The following NCKAP5 variants were observed in gnomAD, a reference collection of about 807,000 sequenced individuals.
NCKAP5 encodes NCK associated protein 5.
NCKAP5 carries 92 observed loss-of-function variants against 167.0 expected under a neutral mutation model. That is an observed-to-expected ratio of 0.55 (90% confidence interval 0.47 to 0.66). NCKAP5 has a LOEUF of 0.66. NCKAP5 is among the 30% of genes least tolerant of loss of function. The pLI is 0.00. For synonymous variants in NCKAP5, 891 were observed against 877.4 expected, an observed-to-expected ratio of 1.02 and a Z score of -0.27; for missense variants, 2,378 against 2,315.0, an observed-to-expected ratio of 1.03 and a Z score of -0.56.
At chr2:133,378,956 T>C (rs1346046615) in intron 3 of NCKAP5, among the ~76,000 whole-genome samples, 1 of 152,190 alleles carries the variant, frequency 6.6e-6, no homozygotes, top group African/African-American at 2.4e-5. Context: ...AAACGAGCTT[T>C]ATAAGAAATC....
chr2:133,635,123 C>T, the NCKAP5 span, among the ~76,000 whole-genome samples: 2 of 152,250 alleles, frequency 1.3e-5, no homozygotes, highest in South Asian at 2.1e-4. Context: ...ATCCACCTGC[C>T]TTGGCCTCCC....
chr2:133,118,743 G>A (rs2082160890), intron 6 of NCKAP5: 1 of 152,090 alleles, frequency 6.6e-6, no homozygotes, highest in Non-Finnish European at 1.5e-5. Flanking sequence ...TATTGTCCAA[G>A]CCAACAGCAA....
intron 3 of NCKAP5, among the ~76,000 whole-genome samples, chr2:133,371,266 C>A (rs971883989): frequency 6.6e-6 from 1 of 152,172 alleles, no homozygotes; most frequent in African/African-American, 2.4e-5. Context: ...CAATTGGATT[C>A]TTTTAAGCCA....
chr2:133,659,635 C>A, the NCKAP5 span, among the ~76,000 whole-genome samples: 1 of 152,018 alleles, frequency 6.6e-6, no homozygotes, highest in African/African-American at 2.4e-5. Flanking sequence ...TACTGGGATT[C>A]GGGGGAGAAT....
intron 19 of NCKAP5, among the ~76,000 whole-genome samples, chr2:132,688,872 C>T (rs112796060): frequency 0.016 from 2,358 of 150,814 alleles, 46 homozygotes; most frequent in African/African-American, 0.053. Context: ...TGTGGTCCCA[C>T]CTACTTGGGA....
chr2:133,302,902 T>C (rs1227688518), intron 4 of NCKAP5, 135 bp downstream of exon 4: 6 of 513,186 alleles, frequency 1.2e-5, no homozygotes, highest in Non-Finnish European at 2.0e-5. Context: ...AAGATGATAG[T>C]TTCTTAGAAT....
intron 5 of NCKAP5, among the ~76,000 whole-genome samples, chr2:133,156,070 T>C (rs1438029555): frequency 1.3e-5 from 2 of 152,098 alleles, no homozygotes; most frequent in Non-Finnish European, 2.9e-5. Context: ...CTGTACTGTC[T>C]CTCACCTGTT....
intron 6 of NCKAP5, among the ~76,000 whole-genome samples, chr2:133,005,523 G>A (rs1423306887): frequency 1.3e-5 from 2 of 152,144 alleles, no homozygotes; most frequent in Non-Finnish European, 2.9e-5. Context: ...CCTTAAAAAG[G>A]TCTTCAAAAT....
intron 3 of NCKAP5, among the ~76,000 whole-genome samples, chr2:133,498,563 G>A (rs7595258): frequency 0.38 from 54,226 of 140,926 alleles, 10,928 homozygotes; most frequent in Non-Finnish European, 0.4. Context: ...GAGGGAAGGA[G>A]AAAAGAGGAA....
chr2:133,407,421 C>T (rs1688504496), intron 3 of NCKAP5, among the ~76,000 whole-genome samples: 1 of 152,144 alleles, frequency 6.6e-6, no homozygotes, highest in South Asian at 2.1e-4. Context: ...AAAAATAATC[C>T]ACTTACCACA....
intron 19 of NCKAP5, among the ~76,000 whole-genome samples, chr2:132,679,026 CA>C (rs761239439): frequency 9.9e-5 from 15 of 152,132 alleles, no homozygotes; most frequent in Non-Finnish European, 1.9e-4. Context: ...CCAACCCTAA[CA>C]CCCCCTTCCC....
chr2:133,447,159 T>C (rs1287752648), intron 3 of NCKAP5, among the ~76,000 whole-genome samples: 1 of 152,104 alleles, frequency 6.6e-6, no homozygotes, highest in Non-Finnish European at 1.5e-5. Flanking sequence ...CTACCCGCCA[T>C]CAATTCACTG....
At chr2:133,005,838 C>T (rs2077947300) in intron 6 of NCKAP5, among the ~76,000 whole-genome samples, 1 of 152,282 alleles carries the variant, frequency 6.6e-6, no homozygotes, top group East Asian at 1.9e-4. Flanking sequence ...TAATTAGAGG[C>T]CGTTCTCTTC....
chr2:133,145,826 GC>G (rs1559189878), intron 5 of NCKAP5, among the ~76,000 whole-genome samples: 1 of 151,976 alleles, frequency 6.6e-6, no homozygotes, highest in Non-Finnish European at 1.5e-5. Context: ...GCACATTGCA[GC>G]TTTCCTGAAT....
At chr2:132,867,604 A>G (rs1280010966) in intron 10 of NCKAP5, among the ~76,000 whole-genome samples, 1 of 152,100 alleles carries the variant, frequency 6.6e-6, no homozygotes, top group Non-Finnish European at 1.5e-5. Flanking sequence ...CTCAGCTTTT[A>G]TTCCCTTCCT....
At chr2:132,957,017 C>A (rs535843519) in intron 8 of NCKAP5, among the ~76,000 whole-genome samples, 2 of 152,248 alleles carry the variant, frequency 1.3e-5, no homozygotes, top group African/African-American at 4.8e-5. Context: ...TCTGATGGGA[C>A]CTTAATTAGT....
the NCKAP5 span, among the ~76,000 whole-genome samples, chr2:133,658,138 G>A: frequency 8.1e-6 from 1 of 124,008 alleles, no homozygotes; most frequent in Admixed American, 1.1e-4. Context: ...GGCTAACATT[G>A]AAGGGTGCGA....
At chr2:133,166,721 A>T (rs557372041) in intron 5 of NCKAP5, among the ~76,000 whole-genome samples, 42 of 152,368 alleles carry the variant, frequency 2.8e-4, no homozygotes, top group Non-Finnish European at 5.9e-5. Flanking sequence ...ATTTCGGCAC[A>T]GTCTTGGACT....
chr2:133,496,808 C>T (rs952544297), intron 3 of NCKAP5, among the ~76,000 whole-genome samples: 2 of 152,062 alleles, frequency 1.3e-5, no homozygotes, highest in Admixed American at 6.6e-5. Context: ...CTATGAGAGC[C>T]ACTGAGGCTC....
Sources: allele counts gnomAD v4.1 joint callset (sites outside exome capture counted in the v4.1 genomes callset), GRCh38; gene constraint gnomAD v4.1.1; transcripts MANE v1.5; gene names NCBI Gene and HGNC (gene_info 2026-07-23, HGNC 2026-07-21).